The following METTL15 variants were observed in gnomAD, a reference collection of about 807,000 sequenced individuals.
METTL15 encodes 12S rRNA N(4)-cytidine methyltransferase METTL15.
A neutral mutation model predicts 38.3 loss-of-function variants in METTL15; 34 were observed. The observed-to-expected ratio is 0.89, with a 90% CI of 0.68 to 1.18. The LOEUF is 1.18. METTL15 is among the 50% of genes most tolerant of loss of function. The pLI is 0.00. For synonymous variants in METTL15, 162 were observed against 170.9 expected (o/e 0.95, Z 0.41); for missense variants, 438 against 498.4 (o/e 0.88, Z 1.15).
At chr11:28,363,915 C>A (rs758101247) in intron 5 of METTL15, among the ~76,000 whole-genome samples, 1 of 152,178 alleles carries the variant, frequency 6.6e-6, no homozygotes, top group African/African-American at 2.4e-5. Flanking sequence ...CCAGTTATCC[C>A]AGCACCATTT....
chr11:28,125,857 A>G (rs1242770574), intron 3 of METTL15: 1 of 152,070 alleles, frequency 6.6e-6, no homozygotes, highest in East Asian at 1.9e-4. Context: ...ACTGTTCTTG[A>G]TCGACTTAAG....
intron 6 of METTL15, among the ~76,000 whole-genome samples, chr11:28,509,992 C>T (rs1253434486): frequency 6.6e-6 from 1 of 151,904 alleles, no homozygotes; most frequent in Admixed American, 6.6e-5. Flanking sequence ...CCTGGATGCC[C>T]ACATTCAATT....
At chr11:28,487,007 A>G (rs1462958691) in intron 6 of METTL15, among the ~76,000 whole-genome samples, 2 of 152,182 alleles carry the variant, frequency 1.3e-5, no homozygotes, top group African/African-American at 4.8e-5. Context: ...AATTAAGAAA[A>G]AAAAATACAG....
At chr11:28,367,203 A>C (rs1296788690) in intron 5 of METTL15, among the ~76,000 whole-genome samples, 3 of 49,748 alleles carry the variant, frequency 6.0e-5, no homozygotes, top group African/African-American at 1.3e-4. Context: ...AGCCACTGAG[A>C]AAAAAAAAAA....
intron 4 of METTL15, among the ~76,000 whole-genome samples, chr11:28,259,899 A>G (rs765045717): frequency 6.6e-6 from 1 of 152,136 alleles, no homozygotes; most frequent in Admixed American, 6.5e-5. Context: ...AGAGCCTTCT[A>G]TTCTGCCATC....
chr11:28,310,083 A>G (rs1857222981), intron 6 of METTL15, among the ~76,000 whole-genome samples: 1 of 152,150 alleles, frequency 6.6e-6, no homozygotes, highest in African/African-American at 2.4e-5. Context: ...AAAGAAACCT[A>G]GGCACCTATG....
At chr11:28,353,511 T>C (rs897951009) in intron 4 of METTL15, among the ~76,000 whole-genome samples, 2 of 152,120 alleles carry the variant, frequency 1.3e-5, no homozygotes, top group African/African-American at 4.8e-5. Flanking sequence ...GTGCCTACCA[T>C]GTGATAGACA....
At chr11:28,335,238 AT>A (rs1849890457), downstream of METTL15, among the ~76,000 whole-genome samples, 1 of 152,194 alleles carries the variant, frequency 6.6e-6, no homozygotes, top group Non-Finnish European at 1.5e-5. Flanking sequence ...AAGTCTTATT[AT>A]TCAAGTCTTA....
intron 3 of METTL15, among the ~76,000 whole-genome samples, chr11:28,177,536 C>T (rs1315939248): frequency 6.6e-6 from 1 of 151,870 alleles, no homozygotes; most frequent in African/African-American, 2.4e-5. Flanking sequence ...GTAGGCCCAA[C>T]ATTTAAGTTG....
chr11:28,449,045 T>C (rs1433874751), intron 6 of METTL15, among the ~76,000 whole-genome samples: 1 of 152,172 alleles, frequency 6.6e-6, no homozygotes, highest in African/African-American at 2.4e-5. Context: ...CTTTGGGGGT[T>C]GTCTGAGATG....
intron 6 of METTL15, among the ~76,000 whole-genome samples, chr11:28,480,649 A>G (rs868301062): frequency 1.4e-4 from 22 of 152,186 alleles, no homozygotes; most frequent in South Asian, 2.1e-4. Context: ...TTAGAGAACT[A>G]CTGTCAGGGG....
chr11:28,129,772 G>GT (rs1459251148), intron 3 of METTL15, among the ~76,000 whole-genome samples: 2 of 152,078 alleles, frequency 1.3e-5, no homozygotes, highest in African/African-American at 4.8e-5. Flanking sequence ...CAATAAACAT[G>GT]TATTAATTTT....
chr11:28,174,784 C>T (rs1176668078), intron 3 of METTL15, among the ~76,000 whole-genome samples: 6 of 141,290 alleles, frequency 4.2e-5, no homozygotes, highest in Admixed American at 2.2e-4. Flanking sequence ...CACTGCACTC[C>T]AGCCTGGGTG....
chr11:28,443,251 T>C (rs948596710), intron 6 of METTL15, among the ~76,000 whole-genome samples: 3 of 151,858 alleles, frequency 2.0e-5, no homozygotes, highest in Non-Finnish European at 4.4e-5. Context: ...CCCTTTGTGA[T>C]TCCATACCTT....
chr11:28,234,787 T>C (rs1853866998), intron 4 of METTL15, among the ~76,000 whole-genome samples: 1 of 143,744 alleles, frequency 7.0e-6, no homozygotes, highest in South Asian at 2.3e-4. Flanking sequence ...TTTCTTTTGC[T>C]GTGCAGAAGC....
chr11:28,285,943 T>C, intron 4 of METTL15, among the ~76,000 whole-genome samples: 1 of 152,158 alleles, frequency 6.6e-6, no homozygotes, highest in East Asian at 1.9e-4. Context: ...ATTGGGATAA[T>C]GTACACAAAG....
rs554754504 is a variant in METTL15, at chr11:28,401,992, A to C, written c.*359-22307A>C. Among the ~76,000 whole-genome samples the C allele has an allele frequency of 4.6e-5, 7 of 152,064 alleles. No homozygotes were observed. The East Asian group carries it at 1.2e-3, about 25-fold the overall frequency. ...AAATTAACATAAAAACTCTCACCTAAAGCAAGCATTCAGTTCATGTGCATG... is the reference window on the plus strand; with the variant it reads ...AAATTAACATAAAAACTCTCACCTACAGCAAGCATTCAGTTCATGTGCATG... On this transcript the variant is annotated intron_variant and NMD_transcript_variant, in intron 5 of 7. Coordinates refer to the METTL15 transcript ENST00000532947.
intron 5 of METTL15, among the ~76,000 whole-genome samples, chr11:28,374,725 G>A (rs1362571972): frequency 6.6e-6 from 1 of 151,306 alleles, no homozygotes; most frequent in Non-Finnish European, 1.5e-5. Flanking sequence ...GGTGAGAGAG[G>A]GCATCCCTGT....
intron 3 of METTL15, among the ~76,000 whole-genome samples, chr11:28,348,680 TTATGTATGTATGTATG>T (rs55889001): frequency 1.7e-3 from 245 of 146,004 alleles, no homozygotes; most frequent in African/African-American, 2.2e-3. Flanking sequence ...GTCTATCCAT[TTATGTATGTATGTATG>T]TATGTATGTA....
Sources: gnomAD v4.1 joint callset for allele counts (sites outside exome capture counted in the v4.1 genomes callset) on GRCh38, gnomAD v4.1.1 for gene constraint, MANE v1.5 for transcripts, NCBI Gene and HGNC (gene_info 2026-07-23, HGNC 2026-07-21) for gene names.